LANCL1: variants seen among roughly 807,000 people sequenced by gnomAD.
The protein encoded by LANCL1 is LanC like glutathione S-transferase 1.
A neutral mutation model predicts 50.6 loss-of-function variants in LANCL1; 50 were observed. That is an observed-to-expected ratio of 0.99 (90% CI 0.79 to 1.25). LANCL1 has a LOEUF of 1.25. Ranked by LOEUF, LANCL1 falls within the 50% of genes most tolerant of loss-of-function variation. The pLI, the probability that LANCL1 is intolerant of heterozygous loss-of-function variation, is 0.00. For missense variants in LANCL1, 532 were observed against 480.7 expected, an observed-to-expected ratio of 1.11 and a Z score of -1.00; for synonymous variants, 188 against 178.6, an observed-to-expected ratio of 1.05 and a Z score of -0.42.
intron 4 of LANCL1, among the ~76,000 whole-genome samples, chr2:210,449,183 C>T (rs546757065): frequency 6.6e-6 from 1 of 152,300 alleles, no homozygotes; most frequent in South Asian, 2.1e-4. Flanking sequence ...CCCTGGGATG[C>T]AAGGCTGGTT....
At chr2:210,467,727 G>C (rs2105923886) in intron 3 of LANCL1, among the ~76,000 whole-genome samples, 1 of 152,172 alleles carries the variant, frequency 6.6e-6, no homozygotes, top group East Asian at 1.9e-4. Context: ...CATTGTTAAG[G>C]GTCAACTTTA....
intron 2 of LANCL1, among the ~76,000 whole-genome samples, chr2:210,472,832 C>G (rs558314949): frequency 5.9e-5 from 9 of 152,260 alleles, no homozygotes; most frequent in Non-Finnish European, 1.2e-4. Flanking sequence ...TATCACAAGT[C>G]TTTCTCATTC....
chr2:210,443,147 G>C (rs1012034614), intron 4 of LANCL1, among the ~76,000 whole-genome samples: 35 of 152,148 alleles, frequency 2.3e-4, no homozygotes, highest in African/African-American at 8.4e-4. Flanking sequence ...GACCAAAAGG[G>C]GAAGCCTCAG....
chr2:210,446,216 G>A (rs960260173), intron 4 of LANCL1, among the ~76,000 whole-genome samples: 1 of 98,126 alleles, frequency 1.0e-5, no homozygotes, highest in African/African-American at 4.2e-5. Context: ...AGAGAGCTCC[G>A]GCTGGCATCT....
At chr2:210,458,142 TAA>T (rs1444706816) in intron 3 of LANCL1, among the ~76,000 whole-genome samples, 1 of 152,154 alleles carries the variant, frequency 6.6e-6, no homozygotes, top group Non-Finnish European at 1.5e-5. Flanking sequence ...CTGAGGGTGG[TAA>T]AGTTTCAAAG....
At chr2:210,476,562 G>C (rs2105934576) in intron 1 of LANCL1, 58 bp downstream of exon 1, 1 of 1,396,104 alleles carries the variant, frequency 7.2e-7, no homozygotes, top group Middle Eastern at 2.7e-4. Flanking sequence ...GGCCCACTGC[G>C]GCCCAACTGC....
At chr2:210,456,911 A>C (rs532556094) in intron 3 of LANCL1, among the ~76,000 whole-genome samples, 1 of 152,360 alleles carries the variant, frequency 6.6e-6, no homozygotes, top group African/African-American at 2.4e-5. Flanking sequence ...AAACCTATTA[A>C]GGCTTGCAAT....
chr2:210,471,876 A>T, intron 3 of LANCL1, 83 bp downstream of exon 3: 1 of 950,982 alleles, frequency 1.1e-6, no homozygotes, highest in Non-Finnish European at 1.7e-6. Context: ...TTAAGGGTGT[A>T]CCATTCAGAC....
intron 3 of LANCL1, among the ~76,000 whole-genome samples, chr2:210,463,218 AT>A (rs904458106): frequency 3.6e-4 from 53 of 147,630 alleles, no homozygotes; most frequent in Middle Eastern, 3.5e-3. Context: ...TTATTTATTT[AT>A]TTTTTTTTTT....
intron 3 of LANCL1, among the ~76,000 whole-genome samples, chr2:210,467,362 A>G (rs1694098397): frequency 6.6e-6 from 1 of 151,880 alleles, no homozygotes; most frequent in African/African-American, 2.4e-5. Context: ...ACCTCCCTTC[A>G]CTTCTTCTGC....
intron 3 of LANCL1, among the ~76,000 whole-genome samples, chr2:210,457,624 A>G (rs1355688394): frequency 6.6e-6 from 1 of 152,192 alleles, no homozygotes; most frequent in East Asian, 1.9e-4. Flanking sequence ...GGAAAAAATT[A>G]TACAGTACTG....
chr2:210,461,312 G>A (rs751835746), intron 3 of LANCL1, among the ~76,000 whole-genome samples: 2 of 151,992 alleles, frequency 1.3e-5, no homozygotes, highest in African/African-American at 2.4e-5. Flanking sequence ...CTGGCTGGGT[G>A]GGATAGGTGC....
Position 210,434,290 on chromosome 2 carries a change from G to C in LANCL1, c.*197C>G. 2.0e-6 allele frequency: 1 copy of C among 505,386 alleles called. No individual in the cohort carries two copies. Among genetic ancestry groups the C allele is most frequent in the Non-Finnish European group, 3.5e-6 (1 of 285,500 alleles). 31.3% of individuals were successfully genotyped at this position (505,386 alleles called of 1,614,324 possible). On this transcript the variant is annotated 3_prime_UTR_variant, in exon 10 of 10. Transcript: ENST00000450366. ...GAAGAAATGGAAATTAAAGTTAAAA[G>C]ACTTCCTTGGATACTTCTAAGTAAA...
intron 4 of LANCL1, among the ~76,000 whole-genome samples, chr2:210,441,703 C>G (rs190556463): frequency 4.6e-5 from 7 of 152,214 alleles, no homozygotes. Context: ...TCCCTAGTTC[C>G]TCATGGAGGC....
upstream of LANCL1, chr2:210,477,514 C>T: frequency 7.7e-7 from 1 of 1,292,308 alleles, no homozygotes; most frequent in Non-Finnish European, 9.8e-7. Context: ...AAGTCAGCCT[C>T]ACTCTCTCCT....
At chr2:210,436,140 C>T in intron 8 of LANCL1, 76 bp downstream of exon 8, 4 of 1,339,346 alleles carry the variant, frequency 3.0e-6, no homozygotes, top group Non-Finnish European at 3.1e-6. Context: ...ATCCGCCTGC[C>T]TCAGCCTCCC....
At chr2:210,434,586 A>C in intron 9 of LANCL1, 23 bp from the exon 10 acceptor site, 2 of 1,576,404 alleles carry the variant, frequency 1.3e-6, no homozygotes, top group Non-Finnish European at 1.7e-6. Flanking sequence ...AAAGAGGCAA[A>C]AGTTATTATA....
chr2:210,445,321 A>AAT (rs1693285742), intron 4 of LANCL1, among the ~76,000 whole-genome samples: 1 of 152,220 alleles, frequency 6.6e-6, no homozygotes. Flanking sequence ...ACTAGGTGGC[A>AAT]ATATATAATT....
intron 3 of LANCL1, among the ~76,000 whole-genome samples, chr2:210,463,543 C>CTG (rs1392116741): frequency 6.6e-6 from 1 of 152,244 alleles, no homozygotes; most frequent in Admixed American, 6.5e-5. Flanking sequence ...AATCTTACTC[C>CTG]TGTCCTCCAA....
Sources: allele counts gnomAD v4.1 joint callset (sites outside exome capture counted in the v4.1 genomes callset), GRCh38; gene constraint gnomAD v4.1.1; transcripts MANE v1.5; gene names NCBI Gene and HGNC (gene_info 2026-07-23, HGNC 2026-07-21).